MSANTD2: variants seen among roughly 807,000 people sequenced by gnomAD.
MSANTD2 encodes myb/SANT-like DNA-binding domain-containing protein 2.
In MSANTD2, 19 loss-of-function variants were observed where a neutral mutation model predicts 52.6. The observed-to-expected ratio is 0.36, with a 90% CI of 0.25 to 0.53. The LOEUF (loss-of-function observed/expected upper bound fraction) is 0.53. Among genes scored for constraint, MSANTD2 ranks in the 20% least tolerant of loss-of-function variants. MSANTD2 has a pLI of 0.91. For missense variants in MSANTD2, 558 were observed against 716.3 expected, an observed-to-expected ratio of 0.78 and a Z score of 2.52; for synonymous variants, 291 against 289.7, an observed-to-expected ratio of 1.00 and a Z score of -0.04.
chr11:124,767,626 A>G lies in MSANTD2; in HGVS notation c.1230T>C (p.Tyr410=), dbSNP rs755516610. The part of the protein sequence containing the change: ...SKPTGGNVVQ[Y]LLPGGIPKSP... Reference sequence around the variant, plus strand: ...TTTTAGGAATACCCCCAGGCAATAAATATTGAACAACATTCCCACCAGTTG... The same window carrying G: ...TTTTAGGAATACCCCCAGGCAATAAGTATTGAACAACATTCCCACCAGTTG... Residue 410 remains tyrosine (Y), a synonymous_variant, in exon 4 of 4, where the codon TAT becomes TAC. Transcript: ENST00000374979. This position sits in a 1 kb window ranked among gnomAD's most constrained non-coding sequence, Gnocchi z 6.5. The G allele has an allele frequency of 1.9e-6, 3 of 1,614,262 alleles. No homozygotes were observed. The Middle Eastern group carries it at 5.0e-4, about 266-fold the overall frequency.
At chr11:124,791,326 ACT>A in intron 1 of MSANTD2, 2 of 1,426,144 alleles carry the variant, frequency 1.4e-6, no homozygotes, top group East Asian at 2.3e-5. Context: ...CAGGAGAGAG[ACT>A]CTGGCCCCTA....
At chr11:124,784,736 T>C in intron 1 of MSANTD2, 2 of 890,260 alleles carry the variant, frequency 2.2e-6, no homozygotes, top group Non-Finnish European at 2.7e-6. Flanking sequence ...TAGAGATGTT[T>C]CCATTAGTAG....
intron 2 of MSANTD2, among the ~76,000 whole-genome samples, chr11:124,773,817 A>C (rs1944633009): frequency 6.6e-6 from 1 of 152,182 alleles, no homozygotes; most frequent in Non-Finnish European, 1.5e-5. Flanking sequence ...TATACTGCCA[A>C]TCCTACTTAT....
In MSANTD2 at chr11:124,784,575, C is replaced by A. The variant is rs935646627; in HGVS notation, c.511-9601G>T. 15 of 985,064 alleles carry A rather than the reference C, an allele frequency of 1.5e-5. No homozygotes were observed. In the Admixed American group the frequency reaches 2.5e-4, roughly 16 times the overall value. 61.0% of individuals were successfully genotyped at this position (985,064 alleles called of 1,614,324 possible). A position where few individuals can be genotyped will look rare whatever the true frequency, so the allele number is the denominator to read the frequency against. Reference sequence around the variant, plus strand: ...TACGAAGGTGTTTCCATTCATGAGACCAATGTTTAAAAGGGAGACTGTGCA... The same window carrying A: ...TACGAAGGTGTTTCCATTCATGAGAACAATGTTTAAAAGGGAGACTGTGCA... On this transcript the variant is annotated intron_variant, in intron 1 of 3. Coordinates refer to ENST00000374979, the MANE Select transcript of MSANTD2 (RefSeq NM_001308027.2).
chr11:124,784,529 A>T, intron 1 of MSANTD2: 1 of 984,902 alleles, frequency 1.0e-6, no homozygotes, highest in Non-Finnish European at 1.2e-6. Context: ...TTACCATTAC[A>T]ACATCGTATT....
At chr11:124,768,061 G>A in intron 3 of MSANTD2, 33 bp from the exon 4 acceptor site, 1 of 1,574,472 alleles carries the variant, frequency 6.4e-7, no homozygotes, top group Non-Finnish European at 8.6e-7. Context: ...AATTCCCTAA[G>A]TATCTAGAAC....
chr11:124,792,162 T>A (rs909121077), intron 1 of MSANTD2: 1 of 154,202 alleles, frequency 6.5e-6, no homozygotes, highest in African/African-American at 2.4e-5. Flanking sequence ...AATTAAGAAA[T>A]GAGATATGTA....
At chr11:124,787,976 G>GCCCAA (rs1453017829) in intron 1 of MSANTD2, among the ~76,000 whole-genome samples, 2 of 151,482 alleles carry the variant, frequency 1.3e-5, no homozygotes, top group Non-Finnish European at 2.9e-5. Context: ...ATGCCTGTAG[G>GCCCAA]CCCAGCTACC....
At chr11:124,776,758 TAA>T (rs1221981606) in intron 1 of MSANTD2, among the ~76,000 whole-genome samples, 1 of 152,246 alleles carries the variant, frequency 6.6e-6, no homozygotes, top group Non-Finnish European at 1.5e-5. Flanking sequence ...GAGCAACAAT[TAA>T]GAGTCTCCCA....
Position 124,767,421 on chromosome 11 carries a change from T to C in MSANTD2, c.1435A>G (p.Ile479Val). The change falls in exon 4 of 4, where the codon ATT becomes GTT. Residue 479 changes from isoleucine (I) to valine (V), a missense_variant. By Grantham distance (29) the Ile-to-Val change is conservative. Coordinates refer to ENST00000374979, the MANE Select transcript of MSANTD2 (RefSeq NM_001308027.2). The surrounding 1 kb of genome is among the most constrained non-coding windows in gnomAD (Gnocchi z 6.5). ...PTRIIYCYLG[I>V]AEVRTLQQCL... Reference sequence around the variant, plus strand: ...TGCTGTAGAGTCCTGACCTCAGCAATCCCGAGGTAGCAATAGATAATTCGG... The same window carrying C: ...TGCTGTAGAGTCCTGACCTCAGCAACCCCGAGGTAGCAATAGATAATTCGG... 3.7e-6 allele frequency: 6 copies of C among 1,614,178 alleles called. No individual in the cohort carries two copies. Among genetic ancestry groups the C allele is most frequent in the Non-Finnish European group, 5.1e-6 (6 of 1,180,030 alleles).
chr11:124,794,871 T>C (rs535869651), intron 1 of MSANTD2, among the ~76,000 whole-genome samples: 2 of 152,238 alleles, frequency 1.3e-5, no homozygotes, highest in African/African-American at 4.8e-5. Flanking sequence ...GACTCTTTTA[T>C]CTTTTATTTA....
In MSANTD2 at chr11:124,800,270, C is replaced by T. The variant is rs544711055; in HGVS notation, c.111G>A (p.Ser37=). The change falls in exon 1 of 4, where the codon TCG becomes TCA. Residue 37 remains serine, a synonymous_variant. Coordinates refer to ENST00000374979, the MANE Select transcript of MSANTD2 (RefSeq NM_001308027.2). The surrounding 1 kb of genome is among the most constrained non-coding windows in gnomAD (Gnocchi z 4.3). ...SPGGLSDGNP[S]LSDPSTPRGA... ...CCCGAGGCGTGGAAGGGTCGGACAG[C>T]GATGGATTTCCGTCGCTCAGGCCAC... is the stretch of plus-strand genomic sequence containing the variant. The T allele has an allele frequency of 3.6e-4, 562 of 1,568,824 alleles. 10 individuals carry two copies. In the South Asian group the frequency reaches 6.2e-3, roughly 17 times the overall value.
chr11:124,795,470 T>C (rs1218262399), intron 1 of MSANTD2, among the ~76,000 whole-genome samples: 3 of 152,214 alleles, frequency 2.0e-5, no homozygotes, highest in African/African-American at 7.2e-5. Flanking sequence ...GATAGGTCTT[T>C]CAACTACTAC....
At chr11:124,784,126 T>C (rs1032670267) in intron 1 of MSANTD2, 7 of 985,050 alleles carry the variant, frequency 7.1e-6, no homozygotes, top group Non-Finnish European at 8.4e-6. Flanking sequence ...GATAACACTA[T>C]TTGTCTAGAA....
intron 1 of MSANTD2, chr11:124,784,623 T>C (rs887696265): frequency 2.9e-5 from 29 of 984,856 alleles, no homozygotes; most frequent in Admixed American, 1.2e-4. Flanking sequence ...CCTGAAGCAG[T>C]AGGCCACTTT....
intron 1 of MSANTD2, among the ~76,000 whole-genome samples, chr11:124,782,280 CT>C (rs1188548681): frequency 7.5e-6 from 1 of 133,694 alleles, no homozygotes; most frequent in African/African-American, 3.6e-5. Flanking sequence ...GACTTTGTCT[CT>C]ACTTAAAAAA....
chr11:124,770,223 T>C (rs2135229392), intron 3 of MSANTD2, among the ~76,000 whole-genome samples: 1 of 152,146 alleles, frequency 6.6e-6, no homozygotes, highest in East Asian at 1.9e-4. Context: ...AAGGAAGAGA[T>C]AGGACACTTT....
chr11:124,776,458 C>A (rs532172268), intron 1 of MSANTD2, among the ~76,000 whole-genome samples: 2 of 152,214 alleles, frequency 1.3e-5, no homozygotes, highest in Admixed American at 6.5e-5. Context: ...CCACCCTGCC[C>A]GGCTAATTTT....
intron 1 of MSANTD2, chr11:124,783,577 GC>G (rs1945058787): frequency 3.5e-6 from 1 of 284,452 alleles, no homozygotes; most frequent in African/African-American, 2.3e-5. Flanking sequence ...CTGAGACTGT[GC>G]CACTGCACTC....
Sources: allele counts gnomAD v4.1 joint callset (sites outside exome capture counted in the v4.1 genomes callset), GRCh38; gene constraint gnomAD v4.1.1; non-coding constraint Gnocchi (gnomAD v3.1); transcripts MANE v1.5; gene names NCBI Gene and HGNC (gene_info 2026-07-23, HGNC 2026-07-21).